Variants in ETV6 observed in about 807,000 individuals in gnomAD.
ETV6 encodes ETS variant transcription factor 6.
In ETV6, 16 loss-of-function variants were observed where a neutral mutation model predicts 51.1. That is an observed-to-expected ratio of 0.31 (90% CI 0.21 to 0.48). ETV6 has a LOEUF of 0.48. Among genes scored for constraint, ETV6 ranks in the 20% least tolerant of loss-of-function variants. The probability of loss-of-function intolerance (pLI) is 0.99; values close to 1 mark genes in which losing one functional copy is unlikely to be tolerated. For synonymous variants in ETV6, 240 were observed against 224.1 expected (o/e 1.07, Z -0.64); for missense variants, 458 against 594.8 (o/e 0.77, Z 2.39).
chr12:11,827,381 G>A (rs554417242), intron 2 of ETV6, among the ~76,000 whole-genome samples: 1 of 152,248 alleles, frequency 6.6e-6, no homozygotes, highest in African/African-American at 2.4e-5. Flanking sequence ...AAGGAAGAAG[G>A]GGGTGCAGTG....
intron 2 of ETV6, among the ~76,000 whole-genome samples, chr12:11,815,046 C>G (rs1043845629): frequency 6.6e-6 from 1 of 152,196 alleles, no homozygotes; most frequent in Non-Finnish European, 1.5e-5. Flanking sequence ...ATGCACCCCA[C>G]TTTCCTGTGG....
chr12:11,709,943 A>G (rs1365593694), intron 1 of ETV6, among the ~76,000 whole-genome samples: 1 of 152,166 alleles, frequency 6.6e-6, no homozygotes, highest in Non-Finnish European at 1.5e-5. Flanking sequence ...TTATATATAC[A>G]CACACCACCC....
At chr12:11,750,954 G>A in intron 1 of ETV6, 3 of 445,964 alleles carry the variant, frequency 6.7e-6, no homozygotes, top group Non-Finnish European at 1.3e-5. Context: ...CTTTTTACAG[G>A]ACATCTTAAT....
At chr12:11,702,966 C>T (rs1345376366) in intron 1 of ETV6, among the ~76,000 whole-genome samples, 2 of 152,186 alleles carry the variant, frequency 1.3e-5, no homozygotes, top group South Asian at 2.1e-4. Flanking sequence ...ATTAGCTGGG[C>T]GTGGTGGCAC....
intron 1 of ETV6, among the ~76,000 whole-genome samples, chr12:11,719,913 G>A (rs1035029269): frequency 1.3e-5 from 2 of 152,196 alleles, no homozygotes; most frequent in African/African-American, 2.4e-5. Flanking sequence ...GGCTTCTGCT[G>A]TCTGGGCTCC....
intron 3 of ETV6, among the ~76,000 whole-genome samples, chr12:11,849,139 G>A (rs1443099924): frequency 6.6e-6 from 1 of 151,398 alleles, no homozygotes; most frequent in East Asian, 1.9e-4. Flanking sequence ...TTGAAACAAG[G>A]TCTCACTCTC....
intron 4 of ETV6, among the ~76,000 whole-genome samples, chr12:11,854,330 G>A (rs535887391): frequency 1.2e-4 from 18 of 152,244 alleles, no homozygotes; most frequent in African/African-American, 1.7e-4. Context: ...TGCCCCCACC[G>A]CTCACCTCCT....
At chr12:11,659,945 C>T (rs1200355116) in intron 1 of ETV6, among the ~76,000 whole-genome samples, 3 of 151,882 alleles carry the variant, frequency 2.0e-5, no homozygotes, top group Non-Finnish European at 4.4e-5. Flanking sequence ...GAGGAGTTGG[C>T]GAAGGGGCAC....
rs1947323755 is a variant in ETV6, at chr12:11,893,290, G to A, written c.*2244G>A. Reference sequence around the variant, plus strand: ...AAATCAGAGACCAGGGCATGATGTTGCTAGGATTAGAGCCTCTCAGTCTGG... The same window carrying A: ...AAATCAGAGACCAGGGCATGATGTTACTAGGATTAGAGCCTCTCAGTCTGG... On this transcript the variant is annotated 3_prime_UTR_variant, in exon 8 of 8. Transcript: ENST00000396373. 8.6e-6 allele frequency: 2 copies of A among 232,534 alleles called. No individual in the cohort carries two copies. Among genetic ancestry groups the A allele is most frequent in the Non-Finnish European group, 1.7e-5 (2 of 117,736 alleles). 14.4% of individuals were successfully genotyped at this position (232,534 alleles called of 1,614,324 possible). A position where few individuals can be genotyped will look rare whatever the true frequency, so the allele number is the denominator to read the frequency against.
chr12:11,865,751 A>G (rs184446190), intron 4 of ETV6, among the ~76,000 whole-genome samples: 23 of 150,158 alleles, frequency 1.5e-4, no homozygotes, highest in Admixed American at 1.5e-3. Flanking sequence ...ATATTAGTAT[A>G]ATCTCCCCCT....
rs1002001497 is a variant in ETV6, at chr12:11,790,629, C to T, written c.163+38050C>T. On this transcript the variant is annotated intron_variant, in intron 2 of 7. Transcript: ENST00000396373. ...ACATATGCATGTTCTTTTAATCTTT[C>T]ATATAATTTCCGTTAATTCCACCTA... Among the ~76,000 whole-genome samples the T allele has an allele frequency of 2.0e-5, 3 of 150,710 alleles. No homozygotes were observed. The East Asian group carries it at 5.8e-4, about 29-fold the overall frequency.
intron 7 of ETV6, among the ~76,000 whole-genome samples, chr12:11,889,653 C>T (rs531528746): frequency 3.3e-5 from 5 of 152,076 alleles, no homozygotes; most frequent in East Asian, 1.9e-4. Context: ...GGAGAGCATG[C>T]GCCATGATTT....
chr12:11,655,011 G>C (rs1438521538), intron 1 of ETV6, among the ~76,000 whole-genome samples: 1 of 152,226 alleles, frequency 6.6e-6, no homozygotes, highest in Non-Finnish European at 1.5e-5. Flanking sequence ...GGCAGGTAGA[G>C]CTAAGTCACA....
chr12:11,729,623 A>C (rs1865556513), intron 1 of ETV6, among the ~76,000 whole-genome samples: 1 of 152,208 alleles, frequency 6.6e-6, no homozygotes, highest in Non-Finnish European at 1.5e-5. Flanking sequence ...AAGCAATCTC[A>C]GTTTGACTGA....
chr12:11,821,725 A>T (rs928744584), intron 2 of ETV6, among the ~76,000 whole-genome samples: 1 of 152,060 alleles, frequency 6.6e-6, no homozygotes, highest in Non-Finnish European at 1.5e-5. Context: ...TTGTAGTCCT[A>T]ACCACTTGGA....
intron 3 of ETV6, among the ~76,000 whole-genome samples, chr12:11,847,060 G>A (rs1026588634): frequency 2.0e-5 from 3 of 152,150 alleles, no homozygotes; most frequent in African/African-American, 7.2e-5. Flanking sequence ...AAGTGGAGGC[G>A]GGGCATCTGT....
intron 1 of ETV6, among the ~76,000 whole-genome samples, chr12:11,703,602 C>T (rs923068454): frequency 8.5e-5 from 13 of 152,180 alleles, no homozygotes; most frequent in African/African-American, 2.7e-4. Context: ...GTTAACTACT[C>T]AGTTATTTTT....
chr12:11,657,898 G>A (rs1864029907), intron 1 of ETV6, among the ~76,000 whole-genome samples: 1 of 152,210 alleles, frequency 6.6e-6, no homozygotes, highest in Non-Finnish European at 1.5e-5. Context: ...AAGGTGCTCA[G>A]AAAAGGGCTT....
At chr12:11,667,540 T>TCTTC (rs1555111944) in intron 1 of ETV6, among the ~76,000 whole-genome samples, 1 of 131,122 alleles carries the variant, frequency 7.6e-6, no homozygotes, top group South Asian at 2.5e-4. Flanking sequence ...TTATTTTCTT[T>TCTTC]TTTTTTTTTT....
Sources: gnomAD v4.1 joint callset for allele counts (sites outside exome capture counted in the v4.1 genomes callset) on GRCh38, gnomAD v4.1.1 for gene constraint, MANE v1.5 for transcripts, NCBI Gene and HGNC (gene_info 2026-07-23, HGNC 2026-07-21) for gene names.